The following AKAP12 variants were observed in gnomAD, a reference collection of about 807,000 sequenced individuals.
AKAP12 encodes the protein A-kinase anchor protein 12.
Under a neutral mutation model 79.9 loss-of-function variants are expected in AKAP12, and 32 were observed. The observed-to-expected ratio is 0.40, with a 90% CI of 0.30 to 0.54. The LOEUF (loss-of-function observed/expected upper bound fraction) is 0.54. Among genes scored for constraint, AKAP12 ranks in the 20% least tolerant of loss-of-function variants. The pLI is 0.48. For synonymous variants in AKAP12, 808 were observed against 857.0 expected, an observed-to-expected ratio of 0.94 and a Z score of 1.00; for missense variants, 2,074 against 2,177.0, an observed-to-expected ratio of 0.95 and a Z score of 0.94.
intron 2 of AKAP12, among the ~76,000 whole-genome samples, chr6:151,295,729 G>T (rs992660074): frequency 1.3e-5 from 2 of 152,258 alleles, no homozygotes; most frequent in African/African-American, 4.8e-5. Flanking sequence ...GCTGTTGGGT[G>T]AATAGCTCCT....
chr6:151,354,531 A>G (rs4869727), intron 4 of AKAP12, among the ~76,000 whole-genome samples: 111,598 of 151,854 alleles, frequency 0.73, 41,541 homozygotes, highest in Non-Finnish European at 0.79. Flanking sequence ...CCGCCACCAT[A>G]CCCAGCTAAT....
chr6:151,263,891 T>TA (rs1189473298), intron 2 of AKAP12, among the ~76,000 whole-genome samples: 1 of 152,196 alleles, frequency 6.6e-6, no homozygotes, highest in Non-Finnish European at 1.5e-5. Context: ...TGAGAGATCT[T>TA]ACCGATGTTC....
At chr6:151,306,147 A>G (rs958739134) in intron 3 of AKAP12, among the ~76,000 whole-genome samples, 3 of 152,146 alleles carry the variant, frequency 2.0e-5, no homozygotes, top group Admixed American at 6.5e-5. Flanking sequence ...CTTTGTCCCA[A>G]CTGCTTGTCT....
intron 2 of AKAP12, among the ~76,000 whole-genome samples, chr6:151,251,476 G>T (rs1049643613): frequency 6.6e-6 from 1 of 152,120 alleles, no homozygotes; most frequent in Non-Finnish European, 1.5e-5. Flanking sequence ...GTGAGATTTG[G>T]CACAGGGTAG....
At chr6:151,242,216 C>A (rs890657267) in intron 2 of AKAP12, among the ~76,000 whole-genome samples, 3 of 152,178 alleles carry the variant, frequency 2.0e-5, no homozygotes, top group Non-Finnish European at 4.4e-5. Context: ...AGTTGGGTGA[C>A]ATTCCCCCCA....
At chr6:151,254,956 G>A (rs1797263023) in intron 2 of AKAP12, among the ~76,000 whole-genome samples, 1 of 152,176 alleles carries the variant, frequency 6.6e-6, no homozygotes, top group Non-Finnish European at 1.5e-5. Context: ...AGTTTCTCAA[G>A]CAGTCCCTGT....
chr6:151,248,186 G>A (rs1487343257), intron 2 of AKAP12, among the ~76,000 whole-genome samples: 3 of 151,858 alleles, frequency 2.0e-5, no homozygotes, highest in Non-Finnish European at 4.4e-5. Context: ...CACCTAGAGA[G>A]CTTTTCAAAG....
chr6:151,275,500 C>T (rs6937760), intron 2 of AKAP12, among the ~76,000 whole-genome samples: 13,114 of 152,192 alleles, frequency 0.086, 689 homozygotes, highest in East Asian at 0.18. Context: ...AACAAAACAG[C>T]GTGACTGAGA....
intron 3 of AKAP12, among the ~76,000 whole-genome samples, chr6:151,310,822 GTTAT>G (rs1463749508): frequency 6.6e-6 from 1 of 152,152 alleles, no homozygotes; most frequent in Non-Finnish European, 1.5e-5. Context: ...TTACAATGCA[GTTAT>G]TTGTTTTCTT....
intron 2 of AKAP12, among the ~76,000 whole-genome samples, chr6:151,268,187 C>T (rs1445462510): frequency 1.3e-5 from 2 of 152,126 alleles, no homozygotes; most frequent in South Asian, 2.1e-4. Flanking sequence ...CGAAGGCAGG[C>T]GGATCACCTG....
At chr6:151,284,805 A>G (rs764019266) in intron 2 of AKAP12, among the ~76,000 whole-genome samples, 2 of 152,206 alleles carry the variant, frequency 1.3e-5, no homozygotes, top group Non-Finnish European at 2.9e-5. Flanking sequence ...TATGTGTCTT[A>G]GTACTCTGTC....
In AKAP12 at chr6:151,349,414, A is replaced by G. The variant is rs1778212390; in HGVS notation, c.1023A>G (p.Gly341=). 1.9e-6 allele frequency: 3 copies of G among 1,612,692 alleles called. No homozygotes were observed. The highest frequency in any genetic ancestry group is 2.5e-6 in the Non-Finnish European group (3 of 1,179,690). ...EPEKVDTEED[G]KAEVASEKLT... is the part of the protein sequence containing the mutation. ...AAAAAGTAGACACAGAAGAAGACGG[A>G]AAGGCAGAGGTTGCCTCCGAGAAAC... The change falls in exon 4 of 5, where the codon GGA becomes GGG. Residue 341 remains glycine, a synonymous_variant. Coordinates refer to ENST00000402676, the MANE Select transcript of AKAP12 (RefSeq NM_005100.4).
Position 151,353,532 on chromosome 6 carries a change from T to G in AKAP12, c.5141T>G (p.Leu1714Arg), listed in dbSNP as rs1778358665. 3 of 1,614,008 alleles carry G rather than the reference T, an allele frequency of 1.9e-6. No homozygotes were observed. The highest frequency in any genetic ancestry group is 2.5e-6 in the Non-Finnish European group (3 of 1,180,018). ...VDDPENQNSA[L>R]ADTDASGGLT... is the part of the protein sequence containing the mutation. The stretch of plus-strand genomic sequence containing the variant: ...GACCCTGAAAACCAGAACTCAGCCC[T>G]GGCTGATACTGATGCCTCAGGAGGC... The change falls in exon 4 of 5, where the codon CTG becomes CGG. Residue 1714 changes from leucine (L) to arginine (R), a missense_variant. Physicochemically the swap from Leu to Arg is moderately radical, Grantham distance 102. Coordinates refer to ENST00000402676, the MANE Select transcript of AKAP12 (RefSeq NM_005100.4).
rs146428400 is a variant in AKAP12, at chr6:151,260,512, A to G, written c.162+19788A>G. Among the ~76,000 whole-genome samples, 554 of 152,298 alleles carry G rather than the reference A, an allele frequency of 3.6e-3. 12 individuals are homozygous for G. Among genetic ancestry groups the G allele is most frequent in the Admixed American group, 0.031 (468 of 15,282 alleles). On this transcript the variant is annotated intron_variant, in intron 2 of 4. Transcript: ENST00000402676. ...ACTCTGCCTTCCTAGGTATTTCAGGATGTATTACTAAGATCTGCTGTCAAG... is the reference window on the plus strand; with the variant it reads ...ACTCTGCCTTCCTAGGTATTTCAGGGTGTATTACTAAGATCTGCTGTCAAG...
chr6:151,344,039 G>A (rs970681674), intron 3 of AKAP12: 3 of 373,382 alleles, frequency 8.0e-6, no homozygotes, highest in Admixed American at 3.6e-5. Flanking sequence ...AGTTTAATAT[G>A]AGTGTTTAAT....
At chr6:151,275,497 C>T (rs529415409) in intron 2 of AKAP12, among the ~76,000 whole-genome samples, 2 of 152,270 alleles carry the variant, frequency 1.3e-5, no homozygotes, top group South Asian at 4.1e-4. Context: ...GTCAACAAAA[C>T]AGCGTGACTG....
rs56202215 is a variant in AKAP12, at chr6:151,345,932, TGAGAGAGAGA to T, written c.320-2756_320-2747del. 5.2e-3 allele frequency among the ~76,000 whole-genome samples: 524 copies of T among 101,406 alleles called. 6 individuals carry two copies. Among genetic ancestry groups the T allele is most frequent in the African/African-American group, 0.015 (343 of 22,988 alleles). The allele number at this position is 101,406 out of a possible 152,430, so 66.5% of individuals were successfully genotyped here. ...GTGTGTGTGTGTGTGTGTGTGTGTG[TGAGAGAGAGA>T]GAGAGAGAGAGAGAGAGAGAGAAAG... On this transcript the variant is annotated intron_variant, in intron 3 of 4. Coordinates refer to ENST00000402676, the MANE Select transcript of AKAP12 (RefSeq NM_005100.4).
intron 3 of AKAP12, chr6:151,324,611 T>C: frequency 1.0e-6 from 1 of 985,358 alleles, no homozygotes; most frequent in Non-Finnish European, 1.2e-6. Flanking sequence ...AGAAGTGCAA[T>C]AGTAAAACTT....
Position 151,357,108 on chromosome 6 carries a change from T to C in AKAP12, c.*1394T>C, listed in dbSNP as rs1239122134. On this transcript the variant is annotated 3_prime_UTR_variant, in exon 5 of 5. Coordinates refer to ENST00000402676, the MANE Select transcript of AKAP12 (RefSeq NM_005100.4). The stretch of plus-strand genomic sequence containing the variant: ...GCTTAATTAATAGTAAAAATGCCTT[T>C]CCTGAAATAATCTTGGAAAATTTTT... 1 of 152,232 alleles carries C rather than the reference T, an allele frequency of 6.6e-6. No homozygotes were observed. The highest frequency in any genetic ancestry group is 1.9e-4 in the East Asian group (1 of 5,198). 9.4% of individuals were successfully genotyped at this position (152,232 alleles called of 1,614,324 possible).
Sources: allele counts gnomAD v4.1 joint callset (sites outside exome capture counted in the v4.1 genomes callset), GRCh38; gene constraint gnomAD v4.1.1; transcripts MANE v1.5; gene names NCBI Gene and HGNC (gene_info 2026-07-23, HGNC 2026-07-21).